Variants in PLCXD3 observed in about 807,000 individuals in gnomAD.
PLCXD3 encodes phosphatidylinositol specific phospholipase C X domain containing 3, also known as PI-PLC X domain-containing protein 3.
A neutral mutation model predicts 25.5 loss-of-function variants in PLCXD3; 19 were observed. That is an observed-to-expected ratio of 0.75 (90% confidence interval 0.52 to 1.09). PLCXD3 has a LOEUF of 1.09. PLCXD3 is among the 50% of genes least tolerant of loss of function. The pLI is 0.00. For synonymous variants in PLCXD3, 174 were observed against 137.6 expected, an observed-to-expected ratio of 1.26 and a Z score of -1.85; for missense variants, 411 against 388.1, an observed-to-expected ratio of 1.06 and a Z score of -0.50.
At chr5:41,376,071 T>A (rs1310992555) in intron 2 of PLCXD3, among the ~76,000 whole-genome samples, 1 of 152,032 alleles carries the variant, frequency 6.6e-6, no homozygotes, top group Non-Finnish European at 1.5e-5. Context: ...GTTGTCTTCC[T>A]TTGCCCAGCT....
intron 2 of PLCXD3, among the ~76,000 whole-genome samples, chr5:41,369,385 G>GA (rs1055585935): frequency 2.0e-5 from 3 of 152,024 alleles, no homozygotes; most frequent in Non-Finnish European, 4.4e-5. Flanking sequence ...GCTTTATTTT[G>GA]AAAAACAGGC....
At chr5:41,415,793 G>T (rs1040880645) in intron 1 of PLCXD3, among the ~76,000 whole-genome samples, 1 of 152,126 alleles carries the variant, frequency 6.6e-6, no homozygotes, top group Non-Finnish European at 1.5e-5. Flanking sequence ...CCTATAAAGT[G>T]ATTTGCCCCA....
intron 2 of PLCXD3, among the ~76,000 whole-genome samples, chr5:41,372,947 G>A (rs1478700916): frequency 6.6e-6 from 1 of 152,106 alleles, no homozygotes; most frequent in African/African-American, 2.4e-5. Context: ...GGGAGGCTGA[G>A]GTGGAAGAAT....
chr5:41,369,165 G>A (rs1192206951), intron 2 of PLCXD3, among the ~76,000 whole-genome samples: 1 of 152,092 alleles, frequency 6.6e-6, no homozygotes, highest in Non-Finnish European at 1.5e-5. Flanking sequence ...CTTGTGAACG[G>A]CAGTAGAGTC....
intron 2 of PLCXD3, among the ~76,000 whole-genome samples, chr5:41,347,612 A>G (rs947100553): frequency 3.3e-5 from 5 of 152,220 alleles, no homozygotes; most frequent in African/African-American, 4.8e-5. Flanking sequence ...TTACCAACCT[A>G]TAGTTGTTTT....
intron 1 of PLCXD3, among the ~76,000 whole-genome samples, chr5:41,430,909 T>G (rs893369955): frequency 9.2e-5 from 14 of 152,190 alleles, no homozygotes; most frequent in African/African-American, 3.4e-4. Flanking sequence ...CATCAAAATG[T>G]TTCCATCTGC....
At chr5:41,414,456 C>CTAAT (rs1746647245) in intron 1 of PLCXD3, among the ~76,000 whole-genome samples, 1 of 152,082 alleles carries the variant, frequency 6.6e-6, no homozygotes, top group Non-Finnish European at 1.5e-5. Context: ...AGAGAAGTAA[C>CTAAT]TAATTAAGAA....
intron 1 of PLCXD3, among the ~76,000 whole-genome samples, chr5:41,399,945 T>C (rs1443928766): frequency 6.6e-6 from 1 of 152,024 alleles, no homozygotes; most frequent in Non-Finnish European, 1.5e-5. Flanking sequence ...ACTCCCCTGA[T>C]AAGAGATTGA....
At chr5:41,495,284 G>C (rs1460969637) in intron 1 of PLCXD3, among the ~76,000 whole-genome samples, 1 of 152,216 alleles carries the variant, frequency 6.6e-6, no homozygotes, top group African/African-American at 2.4e-5. Context: ...CTGTAGAAGA[G>C]AGCTAATGAG....
intron 1 of PLCXD3, among the ~76,000 whole-genome samples, chr5:41,414,963 A>C (rs1206484449): frequency 6.6e-6 from 1 of 152,216 alleles, no homozygotes; most frequent in Non-Finnish European, 1.5e-5. Flanking sequence ...TATTGTTATA[A>C]TTGTTCCATT....
chr5:41,509,170 GT>G (rs367620160), intron 1 of PLCXD3, among the ~76,000 whole-genome samples: 3 of 152,208 alleles, frequency 2.0e-5, no homozygotes, highest in Non-Finnish European at 4.4e-5. Flanking sequence ...TGTTTTTGTT[GT>G]TTTTTTCTTT....
chr5:41,452,558 T>C (rs964581565), intron 1 of PLCXD3, among the ~76,000 whole-genome samples: 1 of 151,946 alleles, frequency 6.6e-6, no homozygotes, highest in African/African-American at 2.4e-5. Context: ...AACAAAAGTG[T>C]AAAAATTCTG....
At chr5:41,414,508 T>C (rs920604442) in intron 1 of PLCXD3, among the ~76,000 whole-genome samples, 2 of 152,232 alleles carry the variant, frequency 1.3e-5, no homozygotes, top group African/African-American at 4.8e-5. Flanking sequence ...GCGAATATTT[T>C]ATTTCTTTAC....
At chr5:41,478,640 A>G (rs1478157280) in intron 1 of PLCXD3, among the ~76,000 whole-genome samples, 1 of 152,244 alleles carries the variant, frequency 6.6e-6, no homozygotes, top group African/African-American at 2.4e-5. Flanking sequence ...ATTACAATCA[A>G]CTTAGCTAAA....
At chr5:41,478,389 TAC>T (rs1748325811) in intron 1 of PLCXD3, among the ~76,000 whole-genome samples, 1 of 152,344 alleles carries the variant, frequency 6.6e-6, no homozygotes, top group Admixed American at 6.5e-5. Flanking sequence ...CATATAATCA[TAC>T]AGAGTTAACA....
At chr5:41,315,132 TTAA>T (rs1743251630) in intron 2 of PLCXD3, among the ~76,000 whole-genome samples, 1 of 152,128 alleles carries the variant, frequency 6.6e-6, no homozygotes, top group African/African-American at 2.4e-5. Context: ...ACAGGTGATG[TTAA>T]TGATGATGTC....
intron 2 of PLCXD3, among the ~76,000 whole-genome samples, chr5:41,354,575 G>A (rs1744565281): frequency 6.6e-6 from 1 of 151,932 alleles, no homozygotes; most frequent in African/African-American, 2.4e-5. Context: ...ATAGTCATAT[G>A]GTATCTAAAT....
intron 2 of PLCXD3, among the ~76,000 whole-genome samples, chr5:41,325,018 G>T (rs1258644793): frequency 6.6e-6 from 1 of 152,132 alleles, no homozygotes; most frequent in African/African-American, 2.4e-5. Context: ...CTCCTTAGAT[G>T]CCGTCTGTTA....
Position 41,407,667 on chromosome 5 carries a change from A to T in PLCXD3, c.104-25133T>A, listed in dbSNP as rs318025. Among the ~76,000 whole-genome samples, 325 of 152,360 alleles carry T rather than the reference A, an allele frequency of 2.1e-3. 1 individual carries two copies. Among genetic ancestry groups the T allele is most frequent in the African/African-American group, 7.4e-3 (308 of 41,590 alleles). On this transcript the variant is annotated intron_variant, in intron 1 of 2. Coordinates refer to ENST00000377801, the MANE Select transcript of PLCXD3 (RefSeq NM_001005473.3). ...CTACAAGACTTCTAGAATTGAACAG[A>T]TCATTGAAAACCACAGACCTGTAAC...
Sources: allele counts gnomAD v4.1 joint callset (sites outside exome capture counted in the v4.1 genomes callset), GRCh38; gene constraint gnomAD v4.1.1; transcripts MANE v1.5; gene names NCBI Gene and HGNC (gene_info 2026-07-23, HGNC 2026-07-21).